Variants in ZNF84 observed in about 807,000 individuals in gnomAD.
The protein encoded by ZNF84 is zinc finger protein HPF2.
ZNF84 carries 12 observed loss-of-function variants against 14.8 expected under a neutral mutation model. That is an observed-to-expected ratio of 0.81 (90% CI 0.52 to 1.31). ZNF84 has a LOEUF of 1.31. Among genes scored for constraint, ZNF84 ranks in the 50% most tolerant of loss-of-function variants. The pLI, the probability that ZNF84 is intolerant of heterozygous loss-of-function variation, is 0.00. For missense variants in ZNF84, 859 were observed against 878.6 expected (o/e 0.98, Z 0.28); for synonymous variants, 347 against 291.1 (o/e 1.19, Z -1.96).
chr12:133,050,729 C>T (rs918695844), intron 4 of ZNF84: 2 of 394,150 alleles, frequency 5.1e-6, no homozygotes, highest in Admixed American at 4.4e-5. Flanking sequence ...ATGAAATGTT[C>T]CTTTACTACC....
In ZNF84 at chr12:133,048,750, C is replaced by T. The variant is rs1954026054; in HGVS notation, c.143-3C>T. 1 of 1,612,692 alleles carries T rather than the reference C, an allele frequency of 6.2e-7. No homozygotes were observed. Among genetic ancestry groups the T allele is most frequent in the African/African-American group, 1.3e-5 (1 of 74,878 alleles). On this transcript the variant is annotated splice_polypyrimidine_tract_variant and splice_region_variant and intron_variant, in intron 3 of 4. Transcript: ENST00000539354. ...AAGGCCTTTGTGATTTTTCCCTTAA[C>T]AGGGTATGAAGTTATGAAACCAGAT...
chr12:133,056,845 C>A (rs951731605), intron 4 of ZNF84, 109 bp from the exon 5 acceptor site: 4 of 854,860 alleles, frequency 4.7e-6, no homozygotes, highest in South Asian at 4.0e-5. Context: ...GACTCGGAAA[C>A]TAAGCCTTAA....
At chr12:133,056,007 G>T (rs1954149979) in intron 4 of ZNF84, among the ~76,000 whole-genome samples, 1 of 152,150 alleles carries the variant, frequency 6.6e-6, no homozygotes, top group Non-Finnish European at 1.5e-5. Context: ...CAGTTAAGGT[G>T]GGAGGATCTA....
In ZNF84 at chr12:133,062,560, A is replaced by G. The variant is rs1363513350; in HGVS notation, c.*3628A>G. On this transcript the variant is annotated 3_prime_UTR_variant, in exon 5 of 5. Transcript: ENST00000539354. ...ATGTTCAACACCTACCCCTGGCCTA[A>G]CTGCTGATAACCAACCATAACCCTT... The G allele has an allele frequency of 6.2e-6, 1 of 160,188 alleles. No individual in the cohort carries two copies. The highest frequency in any genetic ancestry group is 2.4e-5 in the African/African-American group (1 of 41,482). The allele number at this position is 160,188 out of a possible 1,614,324, so 9.9% of individuals were successfully genotyped here.
chr12:133,040,834 G>T (rs1256060926), intron 1 of ZNF84: 1 of 152,046 alleles, frequency 6.6e-6, no homozygotes, highest in African/African-American at 2.4e-5. Context: ...AGACAAAAAT[G>T]GCAGACAAAA....
At chr12:133,054,744 AT>A (rs1177506867) in intron 4 of ZNF84, among the ~76,000 whole-genome samples, 3 of 151,904 alleles carry the variant, frequency 2.0e-5, no homozygotes, top group East Asian at 1.9e-4. Context: ...TAAAAATACA[AT>A]TTTTTTTAAA....
chr12:133,050,372 T>C (rs1450277757), intron 4 of ZNF84, among the ~76,000 whole-genome samples: 1 of 152,212 alleles, frequency 6.6e-6, no homozygotes, highest in Non-Finnish European at 1.5e-5. Flanking sequence ...GTATCCAGAA[T>C]GTCCAGGGTC....
Position 133,057,696 on chromosome 12 carries a change from C to T in ZNF84, c.981C>T (p.Ala327=). The T allele has an allele frequency of 5.0e-6, 8 of 1,613,892 alleles. No homozygotes were observed. The highest frequency in any genetic ancestry group is 5.9e-6 in the Non-Finnish European group (7 of 1,179,958). ...ATGGATGCAATGAATGTGGGAGGGCCTTTAGTGAAAAGTCCAATCTCATTA... is the reference window on the plus strand; with the variant it reads ...ATGGATGCAATGAATGTGGGAGGGCTTTTAGTGAAAAGTCCAATCTCATTA... ...KPYGCNECGR[A]FSEKSNLINH... Residue 327 remains alanine (A), a synonymous_variant, in exon 5 of 5, where the codon GCC becomes GCT. Coordinates refer to ENST00000539354, the MANE Select transcript of ZNF84 (RefSeq NM_001289971.2).
At position 133,057,157 on chromosome 12, in the gene ZNF84, G is replaced by C; in HGVS notation, c.442G>C (p.Gly148Arg). ...TCATTTAGATTTGCTTATTCCAAAA[G>C]GAGATTATGGAAAAGCAGAATCAGA... is the stretch of plus-strand genomic sequence containing the variant. ...KHHLDLLIPK[G>R]DYGKAESDDF... Residue 148 changes from glycine (G) to arginine (R), a missense_variant, in exon 5 of 5, where the codon GGA becomes CGA. By Grantham distance (125) the Gly-to-Arg change is moderately radical. Transcript: ENST00000539354. 1 of 1,610,852 alleles carries C rather than the reference G, an allele frequency of 6.2e-7. No homozygotes were observed. Among genetic ancestry groups the C allele is most frequent in the Non-Finnish European group, 8.5e-7 (1 of 1,179,210 alleles).
rs1370472102 is a variant in ZNF84 at position 133,061,491 on chromosome 12, CT to C, written c.*2564del. 1 of 152,106 alleles carries C rather than the reference CT, an allele frequency of 6.6e-6. No individual in the cohort carries two copies. Among genetic ancestry groups the C allele is most frequent in the Admixed American group, 6.5e-5 (1 of 15,272 alleles). The allele number at this position is 152,106 out of a possible 1,614,324, so 9.4% of individuals were successfully genotyped here. On this transcript the variant is annotated 3_prime_UTR_variant, in exon 5 of 5. Transcript: ENST00000539354. ...AAAAGAAAAGAAAAAGAACTTCCTA[CT>C]TTTTAATATCTCAAATTCATTTTAC...
chr12:133,048,717 T>G, intron 3 of ZNF84, 36 bp from the exon 4 acceptor site: 1 of 1,575,008 alleles, frequency 6.3e-7, no homozygotes, highest in Non-Finnish European at 8.7e-7. Context: ...CCCCAAGCAG[T>G]TGGGCCCAAG....
intron 4 of ZNF84, among the ~76,000 whole-genome samples, chr12:133,055,950 A>G (rs1954148258): frequency 6.6e-6 from 1 of 152,146 alleles, no homozygotes; most frequent in African/African-American, 2.4e-5. Flanking sequence ...ATTAAAAAAA[A>G]ATTATCTGGG....
chr12:133,038,046 T>C (rs1451480899), intron 1 of ZNF84: 2 of 152,250 alleles, frequency 1.3e-5, no homozygotes, highest in Non-Finnish European at 2.9e-5. Context: ...TAAGTGACTT[T>C]TGCTTTTGGT....
chr12:133,049,239 A>G (rs980474640), intron 4 of ZNF84, among the ~76,000 whole-genome samples: 1 of 152,052 alleles, frequency 6.6e-6, no homozygotes, highest in Non-Finnish European at 1.5e-5. Flanking sequence ...GTTTGATCCC[A>G]TTCAGTCCCT....
chr12:133,042,212 A>G (rs1318871750), intron 2 of ZNF84, among the ~76,000 whole-genome samples: 1 of 152,210 alleles, frequency 6.6e-6, no homozygotes, highest in Non-Finnish European at 1.5e-5. Context: ...TGGCTCCTAG[A>G]CATAAAAGTA....
intron 4 of ZNF84, among the ~76,000 whole-genome samples, chr12:133,050,983 G>A (rs927276961): frequency 1.6e-4 from 24 of 152,128 alleles, no homozygotes; most frequent in East Asian, 3.8e-4. Context: ...TTGCATTGGC[G>A]TGATCATAGG....
rs1954277589 is a variant in ZNF84 at position 133,062,278 on chromosome 12, A to T, written c.*3346A>T. The stretch of plus-strand genomic sequence containing the variant: ...CTTCTGTGTGACTTTTTCTTGCAGG[A>T]TCTGACATCATTACCTATGGGTCCA... On this transcript the variant is annotated 3_prime_UTR_variant, in exon 5 of 5. Coordinates refer to ENST00000539354, the MANE Select transcript of ZNF84 (RefSeq NM_001289971.2). 2.0e-5 allele frequency: 3 copies of T among 152,176 alleles called. No homozygotes were observed. The highest frequency in any genetic ancestry group is 7.2e-5 in the African/African-American group (3 of 41,446). The allele number at this position is 152,176 out of a possible 1,614,324, so 9.4% of individuals were successfully genotyped here.
In ZNF84 at chr12:133,058,705, T is replaced by G; in HGVS notation, c.1990T>G (p.Phe664Val). Residue 664 changes from phenylalanine to valine, a missense_variant, in exon 5 of 5, where the codon TTC becomes GTC. Coordinates refer to ENST00000539354, the MANE Select transcript of ZNF84 (RefSeq NM_001289971.2). The part of the protein sequence containing the change: ...PFECSECGKA[F>V]SRKSHLIPHQ... ...TGAATGCAGTGAGTGTGGCAAAGCT[T>G]TCTCTCGGAAGTCACACCTTATACC... The G allele has an allele frequency of 1.9e-6, 3 of 1,613,782 alleles. No individual in the cohort carries two copies. The highest frequency in any genetic ancestry group is 2.5e-6 in the Non-Finnish European group (3 of 1,179,908).
chr12:133,038,930 A>G (rs1953837434), intron 1 of ZNF84: 1 of 152,222 alleles, frequency 6.6e-6, no homozygotes, highest in Non-Finnish European at 1.5e-5. Context: ...AAAAACAAAA[A>G]CAGCTTTTAA....
Sources: allele counts gnomAD v4.1 joint callset (sites outside exome capture counted in the v4.1 genomes callset), GRCh38; gene constraint gnomAD v4.1.1; transcripts MANE v1.5; gene names NCBI Gene and HGNC (gene_info 2026-07-23, HGNC 2026-07-21).